Variants in OSBPL10 observed in about 807,000 individuals in gnomAD.
OSBPL10 encodes the protein oxysterol binding protein like 10.
OSBPL10 carries 49 observed loss-of-function variants against 81.7 expected under a neutral mutation model. The ratio of observed to expected loss-of-function variants is 0.60; its 90% CI spans 0.48 to 0.76. OSBPL10 has a LOEUF of 0.76. Ranked by LOEUF, OSBPL10 falls within the 30% of genes least tolerant of loss-of-function variation. The pLI is 0.00. For synonymous variants in OSBPL10, 419 were observed against 383.6 expected (o/e 1.09, Z -1.08); for missense variants, 923 against 987.8 (o/e 0.93, Z 0.88).
chr3:31,729,304 G>A (rs1696895427), intron 6 of OSBPL10, among the ~76,000 whole-genome samples: 1 of 152,182 alleles, frequency 6.6e-6, no homozygotes, highest in African/African-American at 2.4e-5. Context: ...ACCAGTCACA[G>A]TGGGTGCAGA....
At chr3:31,762,384 C>T (rs1288060345) in intron 4 of OSBPL10, among the ~76,000 whole-genome samples, 5 of 152,132 alleles carry the variant, frequency 3.3e-5, no homozygotes, top group African/African-American at 9.7e-5. Flanking sequence ...GGCTGAGAAG[C>T]GCTGGGCTGC....
intron 1 of OSBPL10, among the ~76,000 whole-genome samples, chr3:31,943,908 G>C (rs1165595853): frequency 7.4e-6 from 1 of 136,000 alleles, no homozygotes; most frequent in Non-Finnish European, 1.5e-5. Flanking sequence ...GCGGAGGTTC[G>C]AGTGAGCTGA....
At chr3:32,021,611 T>A (rs1014899893) in intron 2 of OSBPL10, among the ~76,000 whole-genome samples, 4 of 152,224 alleles carry the variant, frequency 2.6e-5, no homozygotes, top group African/African-American at 9.6e-5. Context: ...TTCATGTACT[T>A]GTTAACCATT....
intron 2 of OSBPL10, among the ~76,000 whole-genome samples, chr3:32,043,147 C>T (rs554353827): frequency 1.3e-5 from 2 of 152,224 alleles, no homozygotes; most frequent in East Asian, 3.9e-4. Flanking sequence ...CCCAGAGCAG[C>T]TGTTTATAGA....
chr3:32,018,633 G>T (rs1382791572), intron 2 of OSBPL10, among the ~76,000 whole-genome samples: 2 of 152,110 alleles, frequency 1.3e-5, no homozygotes, highest in African/African-American at 4.8e-5. Flanking sequence ...TTGAGCCCAG[G>T]AGCTCAAGGC....
Position 32,065,683 on chromosome 3 carries a change from A to T in OSBPL10, n.185+11713T>A, listed in dbSNP as rs1013714540. 3.0e-4 allele frequency among the ~76,000 whole-genome samples: 27 copies of T among 90,594 alleles called. 10 individuals are homozygous for T. The highest frequency in any genetic ancestry group is 5.8e-4 in the Non-Finnish European group (20 of 34,262). The allele number at this position is 90,594 out of a possible 152,430, so 59.4% of individuals were successfully genotyped here. On this transcript the variant is annotated intron_variant and non_coding_transcript_variant, in intron 1 of 3. Transcript: ENST00000479173. Reference sequence around the variant, plus strand: ...GATCACTTGAGGCCCAGAGTTCAAGACCAGCCTTGCCAACATGGTGAAACT... The same window carrying T: ...GATCACTTGAGGCCCAGAGTTCAAGTCCAGCCTTGCCAACATGGTGAAACT...
intron 2 of OSBPL10, among the ~76,000 whole-genome samples, chr3:32,007,730 G>C (rs528165038): frequency 8.4e-4 from 128 of 151,712 alleles, no homozygotes; most frequent in Admixed American, 1.4e-3. Context: ...TTTTGAGACA[G>C]AGTTTTGCTC....
chr3:31,863,679 A>G (rs1416024354), intron 3 of OSBPL10, among the ~76,000 whole-genome samples: 1 of 152,224 alleles, frequency 6.6e-6, no homozygotes, highest in Non-Finnish European at 1.5e-5. Flanking sequence ...TTTCCCAAAA[A>G]TGTGTTCCTT....
chr3:31,917,205 A>C (rs551752334), intron 1 of OSBPL10, among the ~76,000 whole-genome samples: 3 of 152,320 alleles, frequency 2.0e-5, no homozygotes, highest in Admixed American at 2.0e-4. Context: ...CGACAGTTAC[A>C]GCGTTCATGT....
chr3:32,026,702 A>C (rs2125549332), intron 2 of OSBPL10, among the ~76,000 whole-genome samples: 1 of 152,318 alleles, frequency 6.6e-6, no homozygotes, highest in African/African-American at 2.4e-5. Context: ...CCGCCATACT[A>C]ACGCTCTCTT....
chr3:31,989,096 C>T, intron 2 of OSBPL10: 1 of 1,614,020 alleles, frequency 6.2e-7, no homozygotes, highest in Non-Finnish European at 8.5e-7. Context: ...CGTGAGGAAG[C>T]AGCTCAGAAG....
At chr3:32,050,198 A>G (rs1450774571) in intron 1 of OSBPL10, among the ~76,000 whole-genome samples, 1 of 152,206 alleles carries the variant, frequency 6.6e-6, no homozygotes, top group Non-Finnish European at 1.5e-5. Context: ...TAGCTCTAAA[A>G]CATATCTTGA....
intron 2 of OSBPL10, among the ~76,000 whole-genome samples, chr3:32,014,522 T>C (rs1246398487): frequency 2.0e-5 from 3 of 152,192 alleles, no homozygotes; most frequent in Non-Finnish European, 4.4e-5. Flanking sequence ...AGCATTCCCT[T>C]TGAAAACTGG....
chr3:31,763,300 C>A (rs1698108425), intron 4 of OSBPL10, among the ~76,000 whole-genome samples: 1 of 152,172 alleles, frequency 6.6e-6, no homozygotes, highest in African/African-American at 2.4e-5. Context: ...TCTGATTAAT[C>A]TACTGTCATT....
intron 7 of OSBPL10, among the ~76,000 whole-genome samples, chr3:31,686,386 A>AT (rs1279957890): frequency 1.3e-5 from 2 of 152,316 alleles, no homozygotes; most frequent in East Asian, 3.9e-4. Context: ...AGCTTGGTAG[A>AT]TCTCCTTTAA....
At chr3:31,776,671 T>C (rs1454436708) in intron 4 of OSBPL10, among the ~76,000 whole-genome samples, 2 of 152,100 alleles carry the variant, frequency 1.3e-5, no homozygotes, top group Admixed American at 6.6e-5. Flanking sequence ...TTCAAAAACA[T>C]TGTAAGTGAA....
chr3:31,876,559 A>G (rs773881031), intron 2 of OSBPL10, 47 bp from the exon 3 acceptor site: 1 of 1,513,464 alleles, frequency 6.6e-7, no homozygotes, highest in Non-Finnish European at 9.2e-7. Context: ...AGATTGTTCC[A>G]AAACACATCC....
intron 7 of OSBPL10, among the ~76,000 whole-genome samples, chr3:31,688,300 C>CAG (rs1214199840): frequency 6.6e-6 from 1 of 151,024 alleles, no homozygotes; most frequent in Non-Finnish European, 1.5e-5. Flanking sequence ...CACACACACA[C>CAG]ACACACACAC....
intron 1 of OSBPL10, among the ~76,000 whole-genome samples, chr3:32,070,885 TA>T (rs1351460105): frequency 6.6e-6 from 1 of 152,224 alleles, no homozygotes; most frequent in Admixed American, 6.5e-5. Flanking sequence ...TCTTTGCTTT[TA>T]CCTGGACTGA....
Sources: allele counts gnomAD v4.1 joint callset (sites outside exome capture counted in the v4.1 genomes callset), GRCh38; gene constraint gnomAD v4.1.1; transcripts MANE v1.5; gene names NCBI Gene and HGNC (gene_info 2026-07-23, HGNC 2026-07-21).